The following LYRM2 variants were observed in gnomAD, a reference collection of about 807,000 sequenced individuals.
LYRM2 encodes the protein LYR motif-containing protein 2.
In LYRM2, 8 loss-of-function variants were observed where a neutral mutation model predicts 11.6. That is an observed-to-expected ratio of 0.69 (90% CI 0.40 to 1.24). LYRM2 has a LOEUF of 1.24. LYRM2 is among the 50% of genes most tolerant of loss of function. The pLI is 0.01. For missense variants in LYRM2, 117 were observed against 102.9 expected (o/e 1.14, Z -0.59); for synonymous variants, 30 against 36.4 (o/e 0.83, Z 0.63).
chr6:89,634,019 G>C lies in LYRM2; in HGVS notation c.*3254C>G, dbSNP rs1287926218. 1 of 152,186 alleles carries C rather than the reference G, an allele frequency of 6.6e-6. No individual in the cohort carries two copies. The highest frequency in any genetic ancestry group is 1.5e-5 in the Non-Finnish European group (1 of 68,040). The allele number at this position is 152,186 out of a possible 1,614,324, so 9.4% of individuals were successfully genotyped here. A position where few individuals can be genotyped will look rare whatever the true frequency, so the allele number is the denominator to read the frequency against. On this transcript the variant is annotated 3_prime_UTR_variant, in exon 3 of 3. Transcript: ENST00000523377. Reference sequence around the variant, plus strand: ...AAACAAAACTGCTGAAATGTGGCAAGGTTTCTCAGTGCAAGCTTAAATGTT... The same window carrying C: ...AAACAAAACTGCTGAAATGTGGCAACGTTTCTCAGTGCAAGCTTAAATGTT...
At position 89,636,364 on chromosome 6, in the gene LYRM2, AATC is replaced by A. The variant is rs1468350140; in HGVS notation, c.*906_*908del. The A allele has an allele frequency of 2.0e-5, 3 of 152,202 alleles. No individual in the cohort carries two copies. Among genetic ancestry groups the A allele is most frequent in the Non-Finnish European group, 4.4e-5 (3 of 68,026 alleles). 9.4% of individuals were successfully genotyped at this position (152,202 alleles called of 1,614,324 possible). A position where few individuals can be genotyped will look rare whatever the true frequency, so the allele number is the denominator to read the frequency against. On this transcript the variant is annotated 3_prime_UTR_variant, in exon 3 of 3. Transcript: ENST00000523377. ...TATTCTGGACATTTCGTATGAATGG[AATC>A]ATCATGTGATCTTTTGTGACCGGCT...
In LYRM2 at chr6:89,637,861, G is replaced by A. The variant is rs1184442860; in HGVS notation, c.67C>T (p.Leu23Phe). Reference protein sequence around the residue: ...LKQFVRRQQVLLLYRRILQTI... With the variant: ...LKQFVRRQQVFLLYRRILQTI... ...TGCAAAATCCTTCTGTAGAGGAGAA[G>A]AACTTGTTGCCTTCTTACGAACTGT... Residue 23 changes from leucine (L) to phenylalanine (F), a missense_variant, in exon 2 of 3, where the codon CTT becomes TTT. Physicochemically the swap from Leu to Phe is conservative, Grantham distance 22. Coordinates refer to ENST00000523377, the MANE Select transcript of LYRM2 (RefSeq NM_020466.5). 3 of 1,613,842 alleles carry A rather than the reference G, an allele frequency of 1.9e-6. No homozygotes were observed. The highest frequency in any genetic ancestry group is 2.5e-6 in the Non-Finnish European group (3 of 1,179,916).
Position 89,632,896 on chromosome 6 carries a change from TA to T in LYRM2, c.*4376del, listed in dbSNP as rs1359604234. 3 of 152,238 alleles carry T rather than the reference TA, an allele frequency of 2.0e-5. No individual in the cohort carries two copies. The highest frequency in any genetic ancestry group is 7.2e-5 in the African/African-American group (3 of 41,462). 9.4% of individuals were successfully genotyped at this position (152,238 alleles called of 1,614,324 possible). A position where few individuals can be genotyped will look rare whatever the true frequency, so the allele number is the denominator to read the frequency against. On this transcript the variant is annotated 3_prime_UTR_variant, in exon 3 of 3. Coordinates refer to ENST00000523377, the MANE Select transcript of LYRM2 (RefSeq NM_020466.5). Reference sequence around the variant, plus strand: ...GAGAACTGCCTAATACTCAAGAAATTAAATCCTGAGTTCAGTAGGCTGTGTT... The same window carrying T: ...GAGAACTGCCTAATACTCAAGAAATTAATCCTGAGTTCAGTAGGCTGTGTT...
In LYRM2 at chr6:89,633,758, C is replaced by T. The variant is rs1807853478; in HGVS notation, c.*3515G>A. 1 of 152,048 alleles carries T rather than the reference C, an allele frequency of 6.6e-6. No homozygotes were observed. Among genetic ancestry groups the T allele is most frequent in the East Asian group, 1.9e-4 (1 of 5,194 alleles). The allele number at this position is 152,048 out of a possible 1,614,324, so 9.4% of individuals were successfully genotyped here. ...GTCTTCTAATTAATATTTTTATCAC[C>T]TTGAATTTGTGTCTCTTCCAAGCAT... On this transcript the variant is annotated 3_prime_UTR_variant, in exon 3 of 3. Transcript: ENST00000523377.
intron 2 of LYRM2, 64 bp from the exon 3 acceptor site, chr6:89,637,417 T>C: frequency 9.3e-7 from 1 of 1,072,208 alleles, no homozygotes; most frequent in Non-Finnish European, 1.4e-6. Flanking sequence ...GCTATACCAT[T>C]TTATCTGTTA....
rs776487332 is a variant in LYRM2 at position 89,635,726 on chromosome 6, TCTC to T, written c.*1544_*1546del. On this transcript the variant is annotated 3_prime_UTR_variant, in exon 3 of 3. Transcript: ENST00000523377. ...CTAAATTATTTTGTTATAAATTTGA[TCTC>T]CTTCAAAAGTGCCTTGAAGTCAATT... 10 of 152,260 alleles carry T rather than the reference TCTC, an allele frequency of 6.6e-5. No individual in the cohort carries two copies. Among genetic ancestry groups the T allele is most frequent in the Non-Finnish European group, 1.2e-4 (8 of 68,046 alleles). The allele number at this position is 152,260 out of a possible 1,614,324, so 9.4% of individuals were successfully genotyped here.
At position 89,635,625 on chromosome 6, in the gene LYRM2, C is replaced by CT. The variant is rs1807982870; in HGVS notation, c.*1647dup. 6.6e-6 allele frequency: 1 copy of CT among 152,300 alleles called. No individual in the cohort carries two copies. Among genetic ancestry groups the CT allele is most frequent in the Admixed American group, 6.5e-5 (1 of 15,286 alleles). 9.4% of individuals were successfully genotyped at this position (152,300 alleles called of 1,614,324 possible). ...GGTCATTCTTAGATTAGCTTCTTAG[C>CT]TGTTCTGTTGATAAACAGAAGACTT... On this transcript the variant is annotated 3_prime_UTR_variant, in exon 3 of 3. Transcript: ENST00000523377.
chr6:89,637,584 T>C (rs1467003254), intron 2 of LYRM2, 158 bp downstream of exon 2: 1 of 696,340 alleles, frequency 1.4e-6, no homozygotes. Context: ...ATACTAAATT[T>C]TAAAATAATA....
In LYRM2 at chr6:89,633,605, A is replaced by G. The variant is rs1001331580; in HGVS notation, c.*3668T>C. On this transcript the variant is annotated 3_prime_UTR_variant, in exon 3 of 3. Transcript: ENST00000523377. ...TTGTTAGTGCATTATTGAGTATACT[A>G]AATATCTGTGATTAAATAAATTAGT... The G allele has an allele frequency of 1.3e-5, 2 of 152,348 alleles. No homozygotes were observed. Among genetic ancestry groups the G allele is most frequent in the African/African-American group, 4.8e-5 (2 of 41,584 alleles). 9.4% of individuals were successfully genotyped at this position (152,348 alleles called of 1,614,324 possible). A position where few individuals can be genotyped will look rare whatever the true frequency, so the allele number is the denominator to read the frequency against.
In LYRM2 at chr6:89,634,042, G is replaced by A. The variant is rs964248640; in HGVS notation, c.*3231C>T. ...AAGGTTTCTCAGTGCAAGCTTAAAT[G>A]TTTAAACTGTTGACCATTTGGAAAA... On this transcript the variant is annotated 3_prime_UTR_variant, in exon 3 of 3. Coordinates refer to ENST00000523377, the MANE Select transcript of LYRM2 (RefSeq NM_020466.5). The A allele has an allele frequency of 2.6e-5, 4 of 152,200 alleles. No individual in the cohort carries two copies. Among genetic ancestry groups the A allele is most frequent in the Admixed American group, 2.6e-4 (4 of 15,282 alleles). 9.4% of individuals were successfully genotyped at this position (152,200 alleles called of 1,614,324 possible).
In LYRM2 at chr6:89,634,125, C is replaced by CA. The variant is rs1363052356; in HGVS notation, c.*3147dup. The CA allele has an allele frequency of 6.6e-6, 1 of 152,138 alleles. No homozygotes were observed. The highest frequency in any genetic ancestry group is 1.5e-5 in the Non-Finnish European group (1 of 68,030). 9.4% of individuals were successfully genotyped at this position (152,138 alleles called of 1,614,324 possible). On this transcript the variant is annotated 3_prime_UTR_variant, in exon 3 of 3. Coordinates refer to ENST00000523377, the MANE Select transcript of LYRM2 (RefSeq NM_020466.5). The stretch of plus-strand genomic sequence containing the variant: ...TGCAATAGTTAAAGGTTATGCAAGG[C>CA]AAGGCAACATTATACTTTTTGACTA...
intron 2 of LYRM2, 52 bp from the exon 3 acceptor site, chr6:89,637,405 T>A: frequency 8.8e-7 from 1 of 1,140,664 alleles, no homozygotes; most frequent in Non-Finnish European, 1.3e-6. Flanking sequence ...AAACAAGGTA[T>A]AGCTATACCA....
rs1300306939 is a variant in LYRM2, at chr6:89,637,749, G to A, written c.179C>T (p.Thr60Ile). 6.2e-7 allele frequency: 1 copy of A among 1,613,666 alleles called. No individual in the cohort carries two copies. The highest frequency in any genetic ancestry group is 2.2e-5 in the East Asian group (1 of 44,872). ...CCATGATTTTGTTCTCACCTCTTCG[G>A]TGGCACTTTTGTTTCTTCTGAATTC... ...REEFRRNKSA[T>I]EEDTIRMMIT... The change falls in exon 2 of 3, where the codon ACC becomes ATC. Residue 60 changes from threonine to isoleucine, a missense_variant. Transcript: ENST00000523377.
At position 89,633,219 on chromosome 6, in the gene LYRM2, T is replaced by C. The variant is rs1328813640; in HGVS notation, c.*4054A>G. The C allele has an allele frequency of 6.6e-6, 1 of 152,108 alleles. No individual in the cohort carries two copies. The highest frequency in any genetic ancestry group is 2.4e-5 in the African/African-American group (1 of 41,434). The allele number at this position is 152,108 out of a possible 1,614,324, so 9.4% of individuals were successfully genotyped here. On this transcript the variant is annotated 3_prime_UTR_variant, in exon 3 of 3. Transcript: ENST00000523377. ...GGTCTGTCGTAGAAGAAGAAACAAA[T>C]AGAGGTGATGAAGACACAGAACAGG...
rs1321704594 is a variant in LYRM2 at position 89,634,230 on chromosome 6, C to T, written c.*3043G>A. On this transcript the variant is annotated 3_prime_UTR_variant, in exon 3 of 3. Coordinates refer to ENST00000523377, the MANE Select transcript of LYRM2 (RefSeq NM_020466.5). The stretch of plus-strand genomic sequence containing the variant: ...TCAAAGACAAAACCAGTTTGAAAAA[C>T]CTTTTGTATTCTACAATACCTTTTA... 3 of 152,160 alleles carry T rather than the reference C, an allele frequency of 2.0e-5. No individual in the cohort carries two copies. Among genetic ancestry groups the T allele is most frequent in the African/African-American group, 7.2e-5 (3 of 41,426 alleles). 9.4% of individuals were successfully genotyped at this position (152,160 alleles called of 1,614,324 possible). A position where few individuals can be genotyped will look rare whatever the true frequency, so the allele number is the denominator to read the frequency against.
chr6:89,638,503 C>T (rs1808084674), intron 1 of LYRM2, 169 bp downstream of exon 1: 26 of 1,525,934 alleles, frequency 1.7e-5, no homozygotes, highest in Non-Finnish European at 2.3e-5. Flanking sequence ...CCAGTGCCTC[C>T]CGTCAGGCCC....
chr6:89,637,665 C>A, intron 2 of LYRM2, 77 bp downstream of exon 2: 1 of 1,462,492 alleles, frequency 6.8e-7, no homozygotes, highest in African/African-American at 1.4e-5. Context: ...TCCAAGATGT[C>A]TGCTAAACTT....
rs1478720955 is a variant in LYRM2, at chr6:89,633,906, C to T, written c.*3367G>A. On this transcript the variant is annotated 3_prime_UTR_variant, in exon 3 of 3. Transcript: ENST00000523377. ...ATGGCTCCTGAGTGCCTTCACCCAG[C>T]TACACTTTACCTTGTATCTATAAAA... 1 of 152,214 alleles carries T rather than the reference C, an allele frequency of 6.6e-6. No individual in the cohort carries two copies. Among genetic ancestry groups the T allele is most frequent in the Admixed American group, 6.5e-5 (1 of 15,286 alleles). 9.4% of individuals were successfully genotyped at this position (152,214 alleles called of 1,614,324 possible).
At position 89,636,662 on chromosome 6, in the gene LYRM2, A is replaced by G. The variant is rs1473841911; in HGVS notation, c.*611T>C. 1 of 149,678 alleles carries G rather than the reference A, an allele frequency of 6.7e-6. No homozygotes were observed. The highest frequency in any genetic ancestry group is 1.9e-4 in the East Asian group (1 of 5,166). The allele number at this position is 149,678 out of a possible 1,614,324, so 9.3% of individuals were successfully genotyped here. On this transcript the variant is annotated 3_prime_UTR_variant, in exon 3 of 3. Coordinates refer to ENST00000523377, the MANE Select transcript of LYRM2 (RefSeq NM_020466.5). Reference sequence around the variant, plus strand: ...CTTTTTAATTACAGCCATTCTAGTGAATGTGAATCTCAGGGTTGTTTTTTT... The same window carrying G: ...CTTTTTAATTACAGCCATTCTAGTGGATGTGAATCTCAGGGTTGTTTTTTT...
Sources: allele counts gnomAD v4.1 joint callset, GRCh38; gene constraint gnomAD v4.1.1; transcripts MANE v1.5; gene names NCBI Gene and HGNC (gene_info 2026-07-23, HGNC 2026-07-21).